GPHN: variants seen among roughly 807,000 people sequenced by gnomAD.
GPHN encodes the protein gephyrin.
A neutral mutation model predicts 95.5 loss-of-function variants in GPHN; 17 were observed. The observed-to-expected ratio is 0.18, with a 90% CI of 0.12 to 0.27. The LOEUF (loss-of-function observed/expected upper bound fraction) is 0.27. Among genes scored for constraint, GPHN ranks in the 10% least tolerant of loss-of-function variants. The pLI, the probability that GPHN is intolerant of heterozygous loss-of-function variation, is 1.00. For synonymous variants in GPHN, 320 were observed against 322.5 expected (o/e 0.99, Z 0.08); for missense variants, 660 against 978.1 (o/e 0.67, Z 4.34).
chr14:67,386,125 TTTAA>T, the GPHN span: 24 of 152,672 alleles, frequency 1.6e-4, no homozygotes, highest in Admixed American at 9.8e-4. Flanking sequence ...CTAAACGTAG[TTTAA>T]TTCAGATGAA....
intron 11 of GPHN, among the ~76,000 whole-genome samples, chr14:67,083,233 C>T (rs3784076): frequency 0.051 from 7,813 of 151,876 alleles, 222 homozygotes; most frequent in Middle Eastern, 0.068. Context: ...ATCTATGCCC[C>T]CCCCCCTCCA....
intron 1 of GPHN, among the ~76,000 whole-genome samples, chr14:66,624,858 T>C (rs1246731787): frequency 6.6e-6 from 1 of 152,228 alleles, no homozygotes; most frequent in African/African-American, 2.4e-5. Context: ...ATCTTTTTCC[T>C]GAGTGTTGGG....
the GPHN span, among the ~76,000 whole-genome samples, chr14:67,505,732 A>C: frequency 6.7e-6 from 1 of 149,842 alleles, no homozygotes; most frequent in Admixed American, 6.6e-5. Context: ...TTTTAAACAG[A>C]TTCTTGCTCT....
chr14:67,490,259 A>G, the GPHN span, among the ~76,000 whole-genome samples: 12 of 152,316 alleles, frequency 7.9e-5, no homozygotes, highest in African/African-American at 2.9e-4. Context: ...TGAAGGAAGC[A>G]AGGAGTGTGC....
the GPHN span, among the ~76,000 whole-genome samples, chr14:67,308,768 T>C: frequency 2.0e-5 from 3 of 152,088 alleles, no homozygotes; most frequent in Non-Finnish European, 4.4e-5. Flanking sequence ...TAAAAAACAT[T>C]GAACATGTCC....
intron 9 of GPHN, among the ~76,000 whole-genome samples, chr14:66,981,710 A>G (rs2070692846): frequency 1.3e-5 from 2 of 152,168 alleles, no homozygotes; most frequent in African/African-American, 4.8e-5. Flanking sequence ...CCTTAGCACA[A>G]ACAAACAGAA....
chr14:66,737,591 A>G (rs573857602), intron 2 of GPHN, among the ~76,000 whole-genome samples: 127 of 152,298 alleles, frequency 8.3e-4, no homozygotes, highest in Non-Finnish European at 6.0e-4. Flanking sequence ...CTTCACATCC[A>G]TATTGAACTC....
intron 2 of GPHN, among the ~76,000 whole-genome samples, chr14:66,706,087 A>G (rs572372573): frequency 6.6e-6 from 1 of 152,314 alleles, no homozygotes; most frequent in East Asian, 1.9e-4. Context: ...TAAAATACCT[A>G]GGAATACAGC....
At chr14:67,286,333 G>C in the GPHN span, among the ~76,000 whole-genome samples, 1 of 152,060 alleles carries the variant, frequency 6.6e-6, no homozygotes, top group Non-Finnish European at 1.5e-5. Context: ...GTATGGGATT[G>C]GGGAAGGGAA....
At chr14:67,364,282 T>A in the GPHN span, 1 of 152,356 alleles carries the variant, frequency 6.6e-6, no homozygotes, top group Non-Finnish European at 1.5e-5. Flanking sequence ...TGACAGAATG[T>A]ATCATTTGGT....
chr14:66,512,836 A>G (rs1434932403), intron 1 of GPHN, among the ~76,000 whole-genome samples: 1 of 151,792 alleles, frequency 6.6e-6, no homozygotes, highest in Non-Finnish European at 1.5e-5. Flanking sequence ...CTGTTCTGGT[A>G]TATTATGTGT....
chr14:67,166,643 G>GA (rs1555507135), intron 20 of GPHN, among the ~76,000 whole-genome samples: 1 of 151,804 alleles, frequency 6.6e-6, no homozygotes, highest in African/African-American at 2.4e-5. Context: ...GGTTTTGTTT[G>GA]TTTTTTGTGT....
chr14:67,012,419 A>G (rs931704834), intron 9 of GPHN, among the ~76,000 whole-genome samples: 1 of 152,182 alleles, frequency 6.6e-6, no homozygotes. Context: ...GTACTTTTGT[A>G]TCCCACTTTG....
intron 1 of GPHN, among the ~76,000 whole-genome samples, chr14:66,537,285 C>A (rs747232971): frequency 3.3e-5 from 5 of 151,964 alleles, no homozygotes; most frequent in African/African-American, 4.8e-5. Flanking sequence ...CTTACTGTTT[C>A]TTTTCTATTT....
chr14:67,477,123 A>G, the GPHN span, among the ~76,000 whole-genome samples: 113 of 151,076 alleles, frequency 7.5e-4, no homozygotes, highest in African/African-American at 2.7e-3. Context: ...TCGCGATCGC[A>G]CCATTGCACT....
At chr14:67,390,333 TAGG>T in the GPHN span, among the ~76,000 whole-genome samples, 4 of 152,172 alleles carry the variant, frequency 2.6e-5, no homozygotes, top group Non-Finnish European at 4.4e-5. Flanking sequence ...GAAGTGCCAG[TAGG>T]AGTCTCTGTC....
At chr14:67,262,747 A>G in the GPHN span, among the ~76,000 whole-genome samples, 1 of 152,170 alleles carries the variant, frequency 6.6e-6, no homozygotes, top group African/African-American at 2.4e-5. Context: ...TTAGTGTAGC[A>G]TTCAGAGTCA....
At chr14:67,554,992 A>T in the GPHN span, among the ~76,000 whole-genome samples, 1 of 152,106 alleles carries the variant, frequency 6.6e-6, no homozygotes, top group African/African-American at 2.4e-5. Flanking sequence ...AGCTCACTAC[A>T]GCTTCAACCT....
chr14:67,089,115 A>G, intron 12 of GPHN, 40 bp downstream of exon 12: 2 of 360,438 alleles, frequency 5.5e-6, no homozygotes, highest in Admixed American at 4.2e-5. Flanking sequence ...CAGGCACTGT[A>G]TTTTTTTTTC....
Sources: allele counts gnomAD v4.1 joint callset (sites outside exome capture counted in the v4.1 genomes callset), GRCh38; gene constraint gnomAD v4.1.1; transcripts MANE v1.5; gene names NCBI Gene and HGNC (gene_info 2026-07-23, HGNC 2026-07-21).